The following COL18A1 variants were observed in gnomAD, a reference collection of about 807,000 sequenced individuals.
COL18A1 encodes the protein collagen alpha-1(XVIII) chain.
Under a neutral mutation model 168.0 loss-of-function variants are expected in COL18A1, and 133 were observed. The ratio of observed to expected loss-of-function variants is 0.79; its 90% CI spans 0.69 to 0.91. The LOEUF (loss-of-function observed/expected upper bound fraction) is 0.91. Ranked by LOEUF, COL18A1 falls within the 40% of genes least tolerant of loss-of-function variation. The pLI is 0.00. For missense variants in COL18A1, 2,126 were observed against 1,925.4 expected, an observed-to-expected ratio of 1.10 and a Z score of -1.95; for synonymous variants, 949 against 809.0, an observed-to-expected ratio of 1.17 and a Z score of -2.94.
chr21:45,405,757 G>A (rs926106158), intron 2 of COL18A1, among the ~76,000 whole-genome samples: 64 of 151,272 alleles, frequency 4.2e-4, no homozygotes, highest in African/African-American at 1.4e-3. Flanking sequence ...CGGGGTCGTC[G>A]GTGCCGGGAG....
rs934785084 is a variant in COL18A1, at chr21:45,463,618, C to T, written c.107-4624C>T. Among the ~76,000 whole-genome samples the T allele has an allele frequency of 2.0e-5, 3 of 152,142 alleles. No homozygotes were observed. Among genetic ancestry groups the T allele is most frequent in the African/African-American group, 7.2e-5 (3 of 41,426 alleles). On this transcript the variant is annotated intron_variant, in intron 2 of 41. Transcript: ENST00000651438. This position sits in a 1 kb window ranked among gnomAD's most constrained non-coding sequence, Gnocchi z 4.0. ...TTTCTGTCAAGAAATCAAGTCTTGG[C>T]CAGGCATGGTGGCTCACGTCTGTAA...
chr21:45,425,105 C>T lies in COL18A1; in HGVS notation c.106+19632C>T, dbSNP rs7282506. On this transcript the variant is annotated intron_variant, in intron 2 of 41. Coordinates refer to ENST00000651438, the MANE Select transcript of COL18A1 (RefSeq NM_001379500.1). This position sits in a 1 kb window ranked among gnomAD's most constrained non-coding sequence, Gnocchi z 4.1. The stretch of plus-strand genomic sequence containing the variant: ...ACGGGGTGGGTCTGACTTGTGGCAT[C>T]GCGGCCTCTCCATCGGTGCTGCTGG... 32,396 of 152,246 alleles carry T rather than the reference C, an allele frequency of 0.21. 4,381 individuals are homozygous for T. The highest frequency in any genetic ancestry group is 0.41 in the East Asian group (2,110 of 5,148). The allele number at this position is 152,246 out of a possible 1,614,324, so 9.4% of individuals were successfully genotyped here. A position where few individuals can be genotyped will look rare whatever the true frequency, so the allele number is the denominator to read the frequency against.
chr21:45,436,711 C>A (rs2145794591), intron 2 of COL18A1, among the ~76,000 whole-genome samples: 1 of 150,324 alleles, frequency 6.7e-6, no homozygotes, highest in South Asian at 2.1e-4. Context: ...CAGGGGACTG[C>A]TGGTGGGGGG....
rs978442589 is a variant in COL18A1 at position 45,443,004 on chromosome 21, G to A, written c.107-25238G>A. ...GGGTGGCGGTGCTGGTGTGGGCGGC[G>A]GTGCTGATGTGGGTGGTGGTGGTGC... On this transcript the variant is annotated intron_variant, in intron 2 of 41. Transcript: ENST00000651438. This position sits in a 1 kb window ranked among gnomAD's most constrained non-coding sequence, Gnocchi z 5.2. 6.9e-6 allele frequency among the ~76,000 whole-genome samples: 1 copy of A among 145,748 alleles called. No individual in the cohort carries two copies. Among genetic ancestry groups the A allele is most frequent in the Non-Finnish European group, 1.5e-5 (1 of 66,622 alleles).
In COL18A1 at chr21:45,485,912, C is replaced by A. The variant is rs572358610; in HGVS notation, c.1702-949C>A. ...GCTGGGCTCACACTATCTCATTCCG[C>A]TCTGTCCCGAGCCTGGGAAGGAACC... On this transcript the variant is annotated intron_variant, in intron 15 of 41. Transcript: ENST00000651438. Among the ~76,000 whole-genome samples the A allele has an allele frequency of 8.6e-4, 131 of 152,352 alleles. 2 individuals are homozygous for A. In the South Asian group the frequency reaches 0.027, roughly 31 times the overall value.
intron 2 of COL18A1, among the ~76,000 whole-genome samples, chr21:45,439,812 G>A (rs1243521543): frequency 1.3e-5 from 2 of 152,194 alleles, no homozygotes; most frequent in East Asian, 3.8e-4. Flanking sequence ...GGGAAATGCC[G>A]CTCTCTGCGC....
intron 2 of COL18A1, among the ~76,000 whole-genome samples, chr21:45,439,598 C>T (rs560382924): frequency 3.6e-4 from 53 of 146,544 alleles, no homozygotes; most frequent in African/African-American, 1.2e-3. Context: ...TTGACGGAAG[C>T]GCGTCGCGCG....
intron 2 of COL18A1, among the ~76,000 whole-genome samples, chr21:45,413,388 AGGG>A (rs2033354770): frequency 1.3e-5 from 2 of 152,368 alleles, no homozygotes; most frequent in African/African-American, 2.4e-5. Flanking sequence ...GCGGGGACCC[AGGG>A]AACACCTGTC....
intron 2 of COL18A1, chr21:45,456,892 G>C: frequency 7.0e-7 from 1 of 1,427,734 alleles, no homozygotes; most frequent in Non-Finnish European, 9.2e-7. Context: ...GTAACTGGCC[G>C]GCCCCGATCT....
chr21:45,426,501 G>T (rs2033806225), intron 2 of COL18A1, among the ~76,000 whole-genome samples: 2 of 152,224 alleles, frequency 1.3e-5, no homozygotes, highest in Admixed American at 1.3e-4. Flanking sequence ...CCGAGATGGA[G>T]AAGCCCAAAC....
chr21:45,423,762 G>T lies in COL18A1; in HGVS notation c.106+18289G>T, dbSNP rs556608453. The T allele has an allele frequency of 2.0e-5, 3 of 152,476 alleles. No individual in the cohort carries two copies. The East Asian group carries it at 5.8e-4, about 29-fold the overall frequency. 9.4% of individuals were successfully genotyped at this position (152,476 alleles called of 1,614,324 possible). ...GCTTGGTTTTCTCCCTGAGTGCATTGCCCATACCGGGTGGAGGCAGTTCCG... is the reference window on the plus strand; with the variant it reads ...GCTTGGTTTTCTCCCTGAGTGCATTTCCCATACCGGGTGGAGGCAGTTCCG... On this transcript the variant is annotated intron_variant, in intron 2 of 41. Transcript: ENST00000651438. The surrounding 1 kb of genome is among the most constrained non-coding windows in gnomAD (Gnocchi z 4.0).
chr21:45,491,200 C>T (rs2036327982), intron 21 of COL18A1, 25 bp from the exon 22 acceptor site: 6 of 1,587,148 alleles, frequency 3.8e-6, no homozygotes, highest in Non-Finnish European at 5.2e-6. Flanking sequence ...AGATGAAATG[C>T]CGGACGCGTG....
rs1206921152 is a variant in COL18A1, at chr21:45,490,495, C to CCT, written c.2031+149_2031+150insCT. ...GTCCCTGGGCCTCCGTGTGCCCTCC[C>CCT]GGGTCTCTGGGCCTCCGTGTGCCCA... is the stretch of plus-strand genomic sequence containing the variant. On this transcript the variant is annotated intron_variant, in intron 20 of 41. Transcript: ENST00000651438. 2.4e-3 allele frequency: 890 copies of CCT among 374,308 alleles called. 27 individuals carry two copies. Among genetic ancestry groups the CCT allele is most frequent in the African/African-American group, 0.024 (663 of 27,990 alleles). 23.2% of individuals were successfully genotyped at this position (374,308 alleles called of 1,614,324 possible).
intron 2 of COL18A1, among the ~76,000 whole-genome samples, chr21:45,429,465 G>T (rs974522214): frequency 2.0e-5 from 3 of 152,162 alleles, no homozygotes; most frequent in African/African-American, 7.2e-5. Context: ...GGCAGTGCCC[G>T]CCCATTCCAT....
intron 2 of COL18A1, among the ~76,000 whole-genome samples, chr21:45,412,968 G>A (rs2033342201): frequency 1.3e-5 from 2 of 152,236 alleles, no homozygotes; most frequent in Admixed American, 6.5e-5. Flanking sequence ...CGGGCAGGCT[G>A]CTCACCCTCT....
rs1050351 is a variant in COL18A1, at chr21:45,509,553, G to C, written c.3447G>C (p.Ala1149=). The change falls in exon 39 of 42, where the codon GCG becomes GCC. Residue 1149 remains alanine (A), a synonymous_variant. Coordinates refer to ENST00000651438, the MANE Select transcript of COL18A1 (RefSeq NM_001379500.1). Reference sequence around the variant, plus strand: ...GCTCCTACGTGCACCTGCGGCCGGCGCGACCCACAAGCCCACCCGCCCACA... The same window carrying C: ...GCTCCTACGTGCACCTGCGGCCGGCCCGACCCACAAGCCCACCCGCCCACA... ...HHSSYVHLRP[A]RPTSPPAHSH... 6.5e-7 allele frequency: 1 copy of C among 1,534,084 alleles called. No homozygotes were observed. The highest frequency in any genetic ancestry group is 2.4e-5 in the East Asian group (1 of 41,132).
chr21:45,503,937 G>A, intron 32 of COL18A1, 74 bp from the exon 33 acceptor site: 1 of 1,562,836 alleles, frequency 6.4e-7, no homozygotes, highest in Non-Finnish European at 8.8e-7. Flanking sequence ...ACCCACCAGT[G>A]CTGGGGGCTG....
chr21:45,505,217 GGGCCCTCCC>G lies in COL18A1; in HGVS notation c.2958_2966del (p.Gly994_Pro996del), dbSNP rs760640619. 1.6e-4 allele frequency: 261 copies of G among 1,597,034 alleles called. 1 individual carries two copies. Among genetic ancestry groups the G allele is most frequent in the Non-Finnish European group, 2.0e-4 (230 of 1,171,816 alleles). ...CCGGCATCGGCTACGAGGGGCGCCA[GGGCCCTCCC>G]GGCCCCCCAGGCCCCCCAGGGCCCC... On this transcript the variant is annotated inframe_deletion, in exon 35 of 42. Coordinates refer to ENST00000651438, the MANE Select transcript of COL18A1 (RefSeq NM_001379500.1).
chr21:45,426,872 C>T (rs902498089), intron 2 of COL18A1, among the ~76,000 whole-genome samples: 10 of 152,186 alleles, frequency 6.6e-5, no homozygotes, highest in African/African-American at 1.9e-4. Context: ...TGATGCTCCC[C>T]GCGGTGGAAG....
Sources: allele counts gnomAD v4.1 joint callset (sites outside exome capture counted in the v4.1 genomes callset), GRCh38; gene constraint gnomAD v4.1.1; non-coding constraint Gnocchi (gnomAD v3.1); transcripts MANE v1.5; gene names NCBI Gene and HGNC (gene_info 2026-07-23, HGNC 2026-07-21).